The following CDKL1 variants were observed in gnomAD, a reference collection of about 807,000 sequenced individuals.
The protein encoded by CDKL1 is cyclin-dependent kinase-like 1.
A neutral mutation model predicts 42.0 loss-of-function variants in CDKL1; 41 were observed. The observed-to-expected ratio is 0.98, with a 90% confidence interval of 0.76 to 1.27. The LOEUF (loss-of-function observed/expected upper bound fraction) is 1.27, where lower values mean the gene tolerates loss of function less well. Among genes scored for constraint, CDKL1 ranks in the 50% most tolerant of loss-of-function variants. The pLI is 0.00. For synonymous variants in CDKL1, 153 were observed against 158.6 expected, an observed-to-expected ratio of 0.96 and a Z score of 0.26; for missense variants, 394 against 428.4, an observed-to-expected ratio of 0.92 and a Z score of 0.71.
Position 50,396,226 on chromosome 14 carries a change from A to G in CDKL1, c.-358T>C, listed in dbSNP as rs951201688. On this transcript the variant is annotated 5_prime_UTR_variant, in exon 2 of 10. Coordinates refer to ENST00000395834, the MANE Select transcript of CDKL1 (RefSeq NM_004196.7). Reference sequence around the variant, plus strand: ...AAAAAAAAAAAAAGAAAGAAAGAAAAGAAAAGAAAGGATCTTCACATAGTT... The same window carrying G: ...AAAAAAAAAAAAAGAAAGAAAGAAAGGAAAAGAAAGGATCTTCACATAGTT... The G allele has an allele frequency of 2.9e-6, 3 of 1,038,162 alleles. No homozygotes were observed. In the Admixed American group the frequency reaches 1.6e-4, roughly 54 times the overall value. The allele number at this position is 1,038,162 out of a possible 1,614,324, so 64.3% of individuals were successfully genotyped here.
At chr14:50,332,925 G>C (rs7140879) in intron 8 of CDKL1, 201,258 of 351,486 alleles carry the variant, frequency 0.57, 59,516 homozygotes, top group East Asian at 0.63. Flanking sequence ...TTTTTTTTTG[G>C]TGTATCCCTC....
At position 50,326,371 on chromosome 14, in the gene CDKL1, CAG is replaced by C. The variant is rs1215637187; in HGVS notation, c.*3701_*3702del. On this transcript the variant is annotated 3_prime_UTR_variant, in exon 10 of 10. Transcript: ENST00000395834. ...TGTACAACAGATGTTTTTATTATAA[CAG>C]TAATTTACATTTAACTTTAAAGTTA... The C allele has an allele frequency of 3.4e-6, 3 of 890,148 alleles. No individual in the cohort carries two copies. The African/African-American group carries it at 5.4e-5, about 16-fold the overall frequency. 55.1% of individuals were successfully genotyped at this position (890,148 alleles called of 1,614,324 possible).
chr14:50,397,008 C>T (rs1049198064), upstream of CDKL1: 7 of 1,138,500 alleles, frequency 6.1e-6, no homozygotes, highest in African/African-American at 1.6e-5. Context: ...CTCCCGGCTG[C>T]AGGGAAAGGC....
Position 50,328,065 on chromosome 14 carries a change from G to GTT in CDKL1, c.*2007_*2008dup, listed in dbSNP as rs911700857. 59 of 152,116 alleles carry GTT rather than the reference G, an allele frequency of 3.9e-4. No individual in the cohort carries two copies. The highest frequency in any genetic ancestry group is 1.3e-3 in the African/African-American group (56 of 41,512). 9.4% of individuals were successfully genotyped at this position (152,116 alleles called of 1,614,324 possible). A position where few individuals can be genotyped will look rare whatever the true frequency, so the allele number is the denominator to read the frequency against. On this transcript the variant is annotated 3_prime_UTR_variant, in exon 10 of 10. Transcript: ENST00000395834. ...GAAAAAAATAAGCCTTTTTTCTCAG[G>GTT]TTTGTTTCATTACTGTATGGTGAGA...
chr14:50,381,404 A>G (rs2034903497), intron 2 of CDKL1, among the ~76,000 whole-genome samples: 1 of 152,162 alleles, frequency 6.6e-6, no homozygotes. Context: ...GCAAGTGACA[A>G]AGAGGTAGCT....
At chr14:50,380,111 A>G (rs2034859561) in intron 2 of CDKL1, 1 of 517,404 alleles carries the variant, frequency 1.9e-6, no homozygotes, top group Non-Finnish European at 4.0e-6. Flanking sequence ...ATACCCTCAC[A>G]TTGGTTCTAT....
upstream of CDKL1, chr14:50,397,238 CTTTG>C (rs2035443385): frequency 7.3e-7 from 1 of 1,366,632 alleles, no homozygotes; most frequent in African/African-American, 1.5e-5. Context: ...CGGTTATTCC[CTTTG>C]GTCCCTTGGA....
In CDKL1 at chr14:50,338,978, C is replaced by A; in HGVS notation, c.707G>T (p.Ser236Ile). Residue 236 changes from serine (S) to isoleucine (I), a missense_variant, in exon 7 of 10, where the codon AGT (serine) becomes ATT (isoleucine). Coordinates refer to ENST00000395834, the MANE Select transcript of CDKL1 (RefSeq NM_004196.7). ...TTCAGGGTCTGGAATTTTCACTCCACTGAAGTACTGATTCGTGCTAAACAC... is the reference window on the plus strand; with the variant it reads ...TTCAGGGTCTGGAATTTTCACTCCAATGAAGTACTGATTCGTGCTAAACAC... The part of the protein sequence containing the change: ...QQVFSTNQYF[S>I]GVKIPDPEDM... 1 of 1,612,932 alleles carries A rather than the reference C, an allele frequency of 6.2e-7. No individual in the cohort carries two copies. Among genetic ancestry groups the A allele is most frequent in the East Asian group, 2.2e-5 (1 of 44,884 alleles).
chr14:50,375,495 A>C (rs1304306881), intron 2 of CDKL1, among the ~76,000 whole-genome samples: 1 of 152,256 alleles, frequency 6.6e-6, no homozygotes, highest in Non-Finnish European at 1.5e-5. Flanking sequence ...AAGTCACTTT[A>C]CAGTGGAGAA....
chr14:50,366,611 G>A (rs1434890753), intron 2 of CDKL1, among the ~76,000 whole-genome samples: 1 of 152,210 alleles, frequency 6.6e-6, no homozygotes, highest in African/African-American at 2.4e-5. Flanking sequence ...CTTGGAGGAC[G>A]CAAAATGGAT....
Position 50,362,224 on chromosome 14 carries a change from C to A in CDKL1, c.169-3075G>T, listed in dbSNP as rs116009153. The A allele has an allele frequency of 1.6e-3, 566 of 347,174 alleles. 2 individuals are homozygous for A. Among genetic ancestry groups the A allele is most frequent in the African/African-American group, 0.013 (538 of 42,732 alleles). 21.5% of individuals were successfully genotyped at this position (347,174 alleles called of 1,614,324 possible). A position where few individuals can be genotyped will look rare whatever the true frequency, so the allele number is the denominator to read the frequency against. Reference sequence around the variant, plus strand: ...GCGGCCGAGCCTCCACGATCAGAACCGCCCCCTGCTCCGCAGCACCCGGTC... The same window carrying A: ...GCGGCCGAGCCTCCACGATCAGAACAGCCCCCTGCTCCGCAGCACCCGGTC... On this transcript the variant is annotated intron_variant, in intron 2 of 9. Coordinates refer to ENST00000395834, the MANE Select transcript of CDKL1 (RefSeq NM_004196.7).
At chr14:50,360,506 C>G (rs2034204579) in intron 2 of CDKL1, among the ~76,000 whole-genome samples, 1 of 152,168 alleles carries the variant, frequency 6.6e-6, no homozygotes. Context: ...CTCCCAGATT[C>G]AAGTGATTCT....
chr14:50,385,127 T>C (rs1308951508), intron 2 of CDKL1, among the ~76,000 whole-genome samples: 1 of 147,380 alleles, frequency 6.8e-6, no homozygotes, highest in Admixed American at 6.8e-5. Context: ...GGGTGAAAGT[T>C]GTTGGGGAAC....
chr14:50,366,638 G>A (rs974265492), intron 2 of CDKL1, among the ~76,000 whole-genome samples: 7 of 152,236 alleles, frequency 4.6e-5, no homozygotes, highest in Non-Finnish European at 1.0e-4. Context: ...GCTGTTGATA[G>A]CTGACATTGT....
intron 2 of CDKL1, among the ~76,000 whole-genome samples, chr14:50,379,076 T>A (rs927329569): frequency 6.6e-6 from 1 of 152,182 alleles, no homozygotes; most frequent in Non-Finnish European, 1.5e-5. Flanking sequence ...GGTAACAAAC[T>A]CCTGACCTCA....
Position 50,330,242 on chromosome 14 carries a change from A to G in CDKL1, c.967-61T>C, listed in dbSNP as rs886859660. ...GTGCCATGCATTTTTTTCATTATTT[A>G]GAATATATCACAAAAGAGGTAATTA... On this transcript the variant is annotated intron_variant, in intron 9 of 9. Transcript: ENST00000395834. The G allele has an allele frequency of 5.1e-6, 8 of 1,557,406 alleles. No homozygotes were observed. The African/African-American group carries it at 9.8e-5, about 19-fold the overall frequency.
upstream of CDKL1, chr14:50,397,058 C>T (rs1357783930): frequency 7.5e-7 from 1 of 1,324,928 alleles, no homozygotes; most frequent in East Asian, 5.1e-5. Context: ...CTGTCCTGAC[C>T]GCGGGCCGAG....
chr14:50,359,966 C>G (rs1181621477), intron 2 of CDKL1, among the ~76,000 whole-genome samples: 1 of 151,424 alleles, frequency 6.6e-6, no homozygotes, highest in South Asian at 2.1e-4. Context: ...CTAAGAAAGA[C>G]AAAAAAAAGT....
chr14:50,385,867 A>T (rs1256490466), intron 2 of CDKL1, among the ~76,000 whole-genome samples: 1 of 151,878 alleles, frequency 6.6e-6, no homozygotes, highest in Non-Finnish European at 1.5e-5. Flanking sequence ...GGATTTAAAA[A>T]TAACTATACA....
Sources: allele counts gnomAD v4.1 joint callset (sites outside exome capture counted in the v4.1 genomes callset), GRCh38; gene constraint gnomAD v4.1.1; transcripts MANE v1.5; gene names NCBI Gene and HGNC (gene_info 2026-07-23, HGNC 2026-07-21).